The following CSGALNACT1 variants were observed in gnomAD, a reference collection of about 807,000 sequenced individuals.
The protein encoded by CSGALNACT1 is beta4GalNAcT-1.
CSGALNACT1 carries 52 observed loss-of-function variants against 51.0 expected under a neutral mutation model. That is an observed-to-expected ratio of 1.02 (90% CI 0.82 to 1.29). The LOEUF is 1.29. Ranked by LOEUF, CSGALNACT1 falls within the 50% of genes most tolerant of loss-of-function variation. The pLI, the probability that CSGALNACT1 is intolerant of heterozygous loss-of-function variation, is 0.00. For synonymous variants in CSGALNACT1, 341 were observed against 254.4 expected (o/e 1.34, Z -3.24); for missense variants, 935 against 679.2 (o/e 1.38, Z -4.19).
At chr8:19,738,206 G>A (rs1489607583) in intron 1 of CSGALNACT1, among the ~76,000 whole-genome samples, 1 of 152,206 alleles carries the variant, frequency 6.6e-6, no homozygotes, top group Non-Finnish European at 1.5e-5. Flanking sequence ...CTGAGTGACA[G>A]AGCAGGATCT....
At chr8:19,603,281 G>A (rs1436165878), upstream of CSGALNACT1, among the ~76,000 whole-genome samples, 1 of 152,148 alleles carries the variant, frequency 6.6e-6, no homozygotes, top group Non-Finnish European at 1.5e-5. Context: ...TCACTGACAT[G>A]AACAAAGTCA....
At chr8:19,530,132 A>C (rs1019276785) in intron 3 of CSGALNACT1, among the ~76,000 whole-genome samples, 30 of 152,108 alleles carry the variant, frequency 2.0e-4, no homozygotes, top group African/African-American at 6.3e-4. Context: ...GAGGCATGAA[A>C]ATTGCATGAA....
chr8:19,656,599 C>A (rs114176322), intron 1 of CSGALNACT1, among the ~76,000 whole-genome samples: 2,861 of 107,670 alleles, frequency 0.027, 70 homozygotes, highest in South Asian at 0.061. Context: ...ACGCCCCCCC[C>A]CCACACACAC....
chr8:19,436,693 G>C (rs375201247), intron 6 of CSGALNACT1, among the ~76,000 whole-genome samples: 9 of 152,126 alleles, frequency 5.9e-5, no homozygotes, highest in East Asian at 5.8e-4. Flanking sequence ...GATTGCTCAA[G>C]GCCAGGGGTT....
rs1172258511 is a variant in CSGALNACT1, at chr8:19,462,598, G to A, written c.635-3956C>T. 2.0e-5 allele frequency among the ~76,000 whole-genome samples: 3 copies of A among 152,274 alleles called. 1 individual carries two copies. In the East Asian group the frequency reaches 5.8e-4, roughly 29 times the overall value. On this transcript the variant is annotated intron_variant, in intron 4 of 9. Coordinates refer to ENST00000454498, the Ensembl canonical transcript of CSGALNACT1. Reference sequence around the variant, plus strand: ...AGGGTGACAGAGATCCCCAGCCATGGTCAGTGGTTCCAGGTATGGCACACT... The same window carrying A: ...AGGGTGACAGAGATCCCCAGCCATGATCAGTGGTTCCAGGTATGGCACACT...
At chr8:19,595,260 C>T (rs746459486) in intron 2 of CSGALNACT1, among the ~76,000 whole-genome samples, 11 of 152,072 alleles carry the variant, frequency 7.2e-5, no homozygotes, top group Non-Finnish European at 1.3e-4. Flanking sequence ...CCCTTTAGAG[C>T]GAGTATTAGC....
upstream of CSGALNACT1, among the ~76,000 whole-genome samples, chr8:19,686,986 A>G (rs2061014307): frequency 6.6e-6 from 1 of 152,176 alleles, no homozygotes; most frequent in African/African-American, 2.4e-5. Context: ...ATCATACACA[A>G]TATAGATGCC....
chr8:19,685,775 C>T (rs1465628802), upstream of CSGALNACT1, among the ~76,000 whole-genome samples: 5 of 152,092 alleles, frequency 3.3e-5, no homozygotes, highest in South Asian at 2.1e-4. Flanking sequence ...TTCAAGGAAG[C>T]GCATTTTGCC....
chr8:19,542,932 A>G lies in CSGALNACT1; in HGVS notation c.-296-36802T>C, dbSNP rs533174994. On this transcript the variant is annotated intron_variant, in intron 3 of 9. Transcript: ENST00000454498. ...AATTCATTTGGGTTTTCCTACTTCAATAATGAAATATCAGAGAGGTATGAG... is the reference window on the plus strand; with the variant it reads ...AATTCATTTGGGTTTTCCTACTTCAGTAATGAAATATCAGAGAGGTATGAG... Among the ~76,000 whole-genome samples the G allele has an allele frequency of 5.3e-5, 8 of 152,240 alleles. No individual in the cohort carries two copies. The South Asian group carries it at 1.0e-3, about 20-fold the overall frequency.
intron 4 of CSGALNACT1, among the ~76,000 whole-genome samples, chr8:19,480,889 C>T (rs961556434): frequency 2.6e-5 from 4 of 152,090 alleles, no homozygotes; most frequent in African/African-American, 4.8e-5. Context: ...CTAAAGTTTC[C>T]ACCCGGCATC....
chr8:19,724,034 A>G (rs1377823297), intron 1 of CSGALNACT1, among the ~76,000 whole-genome samples: 1 of 152,180 alleles, frequency 6.6e-6, no homozygotes, highest in African/African-American at 2.4e-5. Flanking sequence ...ATTTGTGCCT[A>G]AATCCTCCCT....
intron 1 of CSGALNACT1, among the ~76,000 whole-genome samples, chr8:19,671,826 CT>C (rs988440542): frequency 2.4e-4 from 37 of 152,100 alleles, no homozygotes; most frequent in African/African-American, 8.2e-4. Context: ...GTTTTATTGG[CT>C]TTTTTCCCAC....
chr8:19,450,092 AGGGGGAGGAGGAAGGGGAAGAG>A (rs2062840025), intron 5 of CSGALNACT1, among the ~76,000 whole-genome samples: 1 of 26,858 alleles, frequency 3.7e-5, no homozygotes, highest in Non-Finnish European at 7.5e-5. Context: ...GGGGAGGAGG[AGGGGGAGGAGGAAGGGGAAGAG>A]GAGGGAGAAG....
At chr8:19,546,818 A>T (rs1172964248) in intron 3 of CSGALNACT1, among the ~76,000 whole-genome samples, 1 of 152,234 alleles carries the variant, frequency 6.6e-6, no homozygotes, top group Non-Finnish European at 1.5e-5. Flanking sequence ...CAGAGTTTGA[A>T]TCTAGACCAA....
At chr8:19,547,091 T>C (rs73214610) in intron 3 of CSGALNACT1, among the ~76,000 whole-genome samples, 24,868 of 151,926 alleles carry the variant, frequency 0.16, 2,121 homozygotes, top group Non-Finnish European at 0.17. Flanking sequence ...ATAACAAATA[T>C]AAAGTGATAT....
At chr8:19,431,781 C>G (rs947110522) in intron 6 of CSGALNACT1, among the ~76,000 whole-genome samples, 1 of 150,212 alleles carries the variant, frequency 6.7e-6, no homozygotes, top group African/African-American at 2.4e-5. Flanking sequence ...AGCAGCGAAG[C>G]CTGGGCTTTC....
intron 5 of CSGALNACT1, among the ~76,000 whole-genome samples, chr8:19,457,985 G>C (rs2064478070): frequency 6.6e-6 from 1 of 152,166 alleles, no homozygotes; most frequent in Non-Finnish European, 1.5e-5. Context: ...GCAGGTGAAG[G>C]CAGCCTAGAG....
At chr8:19,420,902 A>G (rs927086246) in intron 6 of CSGALNACT1, among the ~76,000 whole-genome samples, 5 of 152,246 alleles carry the variant, frequency 3.3e-5, no homozygotes, top group Non-Finnish European at 5.9e-5. Context: ...AGCCAAGGAA[A>G]TAAGATCACA....
intron 1 of CSGALNACT1, among the ~76,000 whole-genome samples, chr8:19,735,525 C>A (rs886827169): frequency 1.9e-4 from 17 of 91,260 alleles, no homozygotes; most frequent in African/African-American, 9.2e-4. Flanking sequence ...GAAAAAAAAC[C>A]ATGCTGCAAA....
Sources: allele counts gnomAD v4.1 joint callset (sites outside exome capture counted in the v4.1 genomes callset), GRCh38; gene constraint gnomAD v4.1.1; transcripts MANE v1.5; gene names NCBI Gene and HGNC (gene_info 2026-07-23, HGNC 2026-07-21).